LZIC: variants seen among roughly 807,000 people sequenced by gnomAD.
LZIC encodes leucine zipper and CTNNBIP1 domain containing.
In LZIC, 28 loss-of-function variants were observed where a neutral mutation model predicts 25.4. The ratio of observed to expected loss-of-function variants is 1.10; its 90% confidence interval spans 0.82 to 1.51. LZIC has a LOEUF of 1.51. Among genes scored for constraint, LZIC ranks in the 40% most tolerant of loss-of-function variants. The probability of loss-of-function intolerance (pLI) is 0.00; values close to 1 mark genes in which losing one functional copy is unlikely to be tolerated. For synonymous variants in LZIC, 65 were observed against 70.7 expected, an observed-to-expected ratio of 0.92 and a Z score of 0.40; for missense variants, 170 against 211.1, an observed-to-expected ratio of 0.81 and a Z score of 1.21.
At chr1:9,922,433 G>T, downstream of LZIC, 1 of 540,532 alleles carries the variant, frequency 1.9e-6, no homozygotes, top group Non-Finnish European at 2.4e-6. Flanking sequence ...AAAGGCTTTG[G>T]CAATATCCTA....
chr1:9,941,501 T>G (rs1027471686), intron 2 of LZIC, among the ~76,000 whole-genome samples: 2 of 127,990 alleles, frequency 1.6e-5, no homozygotes, highest in Non-Finnish European at 3.2e-5. Flanking sequence ...AGCCTTTACC[T>G]TTTTTTTTTT....
At chr1:9,924,905 A>G (rs1251967357), downstream of LZIC, among the ~76,000 whole-genome samples, 1 of 152,084 alleles carries the variant, frequency 6.6e-6, no homozygotes, top group Non-Finnish European at 1.5e-5. Context: ...CTCTCAAACC[A>G]AGTCATAACT....
chr1:9,940,263 G>A (rs1028352015), intron 2 of LZIC, among the ~76,000 whole-genome samples: 4 of 151,980 alleles, frequency 2.6e-5, no homozygotes, highest in African/African-American at 9.7e-5. Context: ...TGCAAGCTCC[G>A]CCTCCCGGGT....
intron 7 of LZIC, among the ~76,000 whole-genome samples, chr1:9,931,414 C>G (rs1237481521): frequency 3.3e-5 from 5 of 152,170 alleles, no homozygotes; most frequent in Admixed American, 3.3e-4. Context: ...AGGTGCCCAC[C>G]ACCACACCCA....
chr1:9,935,455 CAA>C (rs1031488433), intron 4 of LZIC, 35 bp downstream of exon 4: 59 of 1,550,636 alleles, frequency 3.8e-5, no homozygotes, highest in Non-Finnish European at 4.8e-5. Context: ...AACAAAAAAA[CAA>C]AGTCTGTCCT....
At chr1:9,936,474 A>G in intron 3 of LZIC, 45 bp downstream of exon 3, 1 of 1,390,562 alleles carries the variant, frequency 7.2e-7, no homozygotes, top group South Asian at 1.2e-5. Flanking sequence ...TAGCTGCAGA[A>G]AAAACGCCAG....
In LZIC at chr1:9,927,591, G is replaced by C. The variant is rs1570622442; in HGVS notation, c.*2808C>G. Among the ~76,000 whole-genome samples the C allele has an allele frequency of 6.6e-6, 1 of 150,862 alleles. No homozygotes were observed. The highest frequency in any genetic ancestry group is 2.4e-5 in the African/African-American group (1 of 41,006). ...TCTGAGATTACATGCGTGAGCCACT[G>C]TGCCAGGCATTAGGTCCCTTTCAAA... On this transcript the variant is annotated 3_prime_UTR_variant, in exon 8 of 8. Coordinates refer to ENST00000377223, the MANE Select transcript of LZIC (RefSeq NM_032368.5).
intron 7 of LZIC, among the ~76,000 whole-genome samples, chr1:9,931,046 GA>G (rs945993531): frequency 2.4e-4 from 35 of 143,528 alleles, no homozygotes; most frequent in East Asian, 8.2e-4. Context: ...ACATTTCTGT[GA>G]AAAAAAAAAA....
At chr1:9,930,548 T>C in intron 7 of LZIC, 91 bp from the exon 8 acceptor site, 2 of 1,546,944 alleles carry the variant, frequency 1.3e-6, no homozygotes, top group Non-Finnish European at 1.8e-6. Context: ...CATATAGATA[T>C]TAAAACAGAA....
intron 2 of LZIC, among the ~76,000 whole-genome samples, chr1:9,938,052 A>AATAT (rs753162779): frequency 6.6e-6 from 1 of 151,162 alleles, no homozygotes; most frequent in Non-Finnish European, 1.5e-5. Context: ...GGTAAATGGA[A>AATAT]ATATATATAT....
chr1:9,936,261 A>C (rs1395888709), intron 3 of LZIC, among the ~76,000 whole-genome samples: 1 of 152,184 alleles, frequency 6.6e-6, no homozygotes, highest in Non-Finnish European at 1.5e-5. Flanking sequence ...ACTAAAGACA[A>C]AGTAGGTGTT....
downstream of LZIC, among the ~76,000 whole-genome samples, chr1:9,924,623 G>T (rs1056654274): frequency 6.6e-6 from 1 of 152,022 alleles, no homozygotes; most frequent in Non-Finnish European, 1.5e-5. Context: ...CAAAGTACTG[G>T]GATTATAGGC....
chr1:9,926,040 CCCG>C (rs939997360), downstream of LZIC, among the ~76,000 whole-genome samples: 1 of 151,738 alleles, frequency 6.6e-6, no homozygotes, highest in Non-Finnish European at 1.5e-5. Context: ...ACTACAGGCG[CCCG>C]CCACCACGCC....
chr1:9,935,447 C>CA (rs768460702), intron 4 of LZIC, 45 bp downstream of exon 4: 4 of 1,547,078 alleles, frequency 2.6e-6, no homozygotes, highest in East Asian at 2.3e-5. Context: ...CAAGAACAAA[C>CA]AAAAAAACAA....
intron 2 of LZIC, among the ~76,000 whole-genome samples, chr1:9,941,249 C>T (rs909303866): frequency 2.0e-5 from 3 of 151,994 alleles, no homozygotes; most frequent in African/African-American, 7.2e-5. Context: ...AGGTGGAGTG[C>T]AGTGGCATGA....
chr1:9,936,530 C>T lies in LZIC; in HGVS notation c.90G>A (p.Leu30=). Residue 30 remains leucine (L), a synonymous_variant, in exon 3 of 8, where the codon CTG becomes CTA. Transcript: ENST00000377223. ...AATTAAACTCTTACCTGCATTCCTC[C>T]AGATCTTGTAATTGTTGCATGAGTC... ...LDRLMQQLQD[L]EECREELDTD... is the part of the protein sequence containing the mutation. 1 of 1,610,904 alleles carries T rather than the reference C, an allele frequency of 6.2e-7. No homozygotes were observed. Among genetic ancestry groups the T allele is most frequent in the Non-Finnish European group, 8.5e-7 (1 of 1,177,218 alleles).
chr1:9,942,562 G>A (rs1265570696), intron 2 of LZIC, 62 bp downstream of exon 2: 14 of 828,864 alleles, frequency 1.7e-5, no homozygotes, highest in Admixed American at 3.2e-5. Context: ...TCACTTTTAC[G>A]AAACTACAGA....
At chr1:9,940,600 G>A (rs897915339) in intron 2 of LZIC, among the ~76,000 whole-genome samples, 4 of 152,184 alleles carry the variant, frequency 2.6e-5, no homozygotes, top group Non-Finnish European at 5.9e-5. Flanking sequence ...TTACAGGCGT[G>A]AGCCACCGCA....
At chr1:9,933,325 C>T (rs1046470039) in intron 5 of LZIC, among the ~76,000 whole-genome samples, 2 of 137,822 alleles carry the variant, frequency 1.5e-5, no homozygotes, top group Admixed American at 7.4e-5. Flanking sequence ...GCTTTTCAGA[C>T]GTACTTCTTA....
Sources: gnomAD v4.1 joint callset for allele counts (sites outside exome capture counted in the v4.1 genomes callset) on GRCh38, gnomAD v4.1.1 for gene constraint, MANE v1.5 for transcripts, NCBI Gene and HGNC (gene_info 2026-07-23, HGNC 2026-07-21) for gene names.